Variants in RABGAP1L observed in about 807,000 individuals in gnomAD.
RABGAP1L encodes RAB GTPase activating protein 1 like.
In RABGAP1L, 63 loss-of-function variants were observed where a neutral mutation model predicts 137.7. The ratio of observed to expected loss-of-function variants is 0.46; its 90% CI spans 0.37 to 0.56. The LOEUF (loss-of-function observed/expected upper bound fraction) is 0.56. Among genes scored for constraint, RABGAP1L ranks in the 20% least tolerant of loss-of-function variants. The probability of loss-of-function intolerance (pLI) is 0.00; values close to 1 mark genes in which losing one functional copy is unlikely to be tolerated. For missense variants in RABGAP1L, 1,095 were observed against 1,244.0 expected (o/e 0.88, Z 1.80); for synonymous variants, 431 against 433.7 (o/e 0.99, Z 0.08).
chr1:174,667,288 AC>A (rs1384117438), intron 14 of RABGAP1L, among the ~76,000 whole-genome samples: 1 of 152,124 alleles, frequency 6.6e-6, no homozygotes, highest in East Asian at 1.9e-4. Flanking sequence ...GAACATAGGT[AC>A]CCCCATCTCC....
At chr1:174,681,778 A>G (rs368805613) in intron 14 of RABGAP1L, among the ~76,000 whole-genome samples, 1 of 152,206 alleles carries the variant, frequency 6.6e-6, no homozygotes, top group Non-Finnish European at 1.5e-5. Flanking sequence ...GGAATACTAC[A>G]CTTACTCTCC....
chr1:174,630,174 G>A (rs2148307592), intron 13 of RABGAP1L, among the ~76,000 whole-genome samples: 1 of 151,302 alleles, frequency 6.6e-6, no homozygotes, highest in Admixed American at 6.6e-5. Context: ...CTTTGGCTCT[G>A]TTTATATGCT....
chr1:174,398,463 T>A (rs1364953710), intron 13 of RABGAP1L, among the ~76,000 whole-genome samples: 1 of 152,084 alleles, frequency 6.6e-6, no homozygotes, highest in Non-Finnish European at 1.5e-5. Flanking sequence ...ATCATCTGAT[T>A]AACATAAACT....
intron 11 of RABGAP1L, among the ~76,000 whole-genome samples, chr1:174,362,536 G>T (rs1025091726): frequency 6.6e-5 from 10 of 152,164 alleles, no homozygotes; most frequent in Non-Finnish European, 1.5e-4. Flanking sequence ...GATCAGTGTT[G>T]TTGAGGTTTC....
chr1:174,278,575 A>G, intron 9 of RABGAP1L, 38 bp from the exon 10 acceptor site: 3 of 1,533,372 alleles, frequency 2.0e-6, no homozygotes, highest in East Asian at 2.3e-5. Context: ...ACAAGGAATA[A>G]TAAAGCTCGC....
intron 19 of RABGAP1L, among the ~76,000 whole-genome samples, chr1:174,928,281 C>T (rs983209070): frequency 1.3e-5 from 2 of 151,944 alleles, no homozygotes; most frequent in African/African-American, 4.8e-5. Flanking sequence ...TAGAGTAGAC[C>T]GTTGAATCTT....
chr1:174,988,191 T>C (rs1671768884), intron 24 of RABGAP1L, among the ~76,000 whole-genome samples: 2 of 152,218 alleles, frequency 1.3e-5, no homozygotes, highest in African/African-American at 4.8e-5. Context: ...AGGGTAGATT[T>C]AGGTTAGTCA....
rs373288515 is a variant in RABGAP1L at position 174,807,185 on chromosome 1, A to G, written c.2212-4647A>G. 1.9e-4 allele frequency among the ~76,000 whole-genome samples: 29 copies of G among 152,350 alleles called. No individual in the cohort carries two copies. In the East Asian group the frequency reaches 2.3e-3, roughly 12 times the overall value. ...ATGTAATGATGGGGTAAAGGACTAT[A>G]AATAATGTAATAAAATATTAATTAT... On this transcript the variant is annotated intron_variant, in intron 18 of 25. Transcript: ENST00000681986.
chr1:174,422,186 A>G (rs6425280), intron 13 of RABGAP1L, among the ~76,000 whole-genome samples: 88,501 of 151,994 alleles, frequency 0.58, 28,089 homozygotes, highest in African/African-American at 0.85. Context: ...TACTATTGCT[A>G]TCTTGATACG....
At chr1:174,456,508 T>C (rs1656057082) in intron 13 of RABGAP1L, among the ~76,000 whole-genome samples, 1 of 152,118 alleles carries the variant, frequency 6.6e-6, no homozygotes, top group Non-Finnish European at 1.5e-5. Flanking sequence ...TCAGTCATTA[T>C]GATGGACAAG....
chr1:174,677,147 C>A (rs981689576), intron 14 of RABGAP1L, among the ~76,000 whole-genome samples: 2 of 125,370 alleles, frequency 1.6e-5, no homozygotes, highest in Non-Finnish European at 3.2e-5. Context: ...CATAGTGAGA[C>A]CCCATCTCTA....
At chr1:174,282,669 C>A (rs1366547821) in intron 10 of RABGAP1L, among the ~76,000 whole-genome samples, 1 of 151,744 alleles carries the variant, frequency 6.6e-6, no homozygotes, top group Non-Finnish European at 1.5e-5. Flanking sequence ...TTTTTGTGTC[C>A]TATCTAAGGA....
chr1:174,387,205 T>C (rs908853412), intron 12 of RABGAP1L, among the ~76,000 whole-genome samples: 3 of 152,232 alleles, frequency 2.0e-5, no homozygotes, highest in Non-Finnish European at 4.4e-5. Flanking sequence ...TGACCACTTT[T>C]TTTCCTGTAA....
At chr1:174,862,773 A>G (rs1429703863) in intron 19 of RABGAP1L, among the ~76,000 whole-genome samples, 1 of 152,158 alleles carries the variant, frequency 6.6e-6, no homozygotes, top group Non-Finnish European at 1.5e-5. Context: ...AGACCTAGGT[A>G]TCTAGTAAAG....
At chr1:174,781,340 A>G (rs1177439049) in intron 18 of RABGAP1L, among the ~76,000 whole-genome samples, 1 of 152,160 alleles carries the variant, frequency 6.6e-6, no homozygotes, top group African/African-American at 2.4e-5. Context: ...GCATTTTTTC[A>G]TGTGTCTGTT....
intron 13 of RABGAP1L, among the ~76,000 whole-genome samples, chr1:174,567,281 T>A (rs557416066): frequency 6.6e-6 from 1 of 152,206 alleles, no homozygotes; most frequent in Non-Finnish European, 1.5e-5. Flanking sequence ...TTATTTTCCT[T>A]CTATATCTGC....
In RABGAP1L at chr1:174,391,906, A is replaced by C. The variant is rs142394317; in HGVS notation, c.1560-2089A>C. Among the ~76,000 whole-genome samples, 8 of 152,250 alleles carry C rather than the reference A, an allele frequency of 5.3e-5. No individual in the cohort carries two copies. The East Asian group carries it at 1.5e-3, about 29-fold the overall frequency. On this transcript the variant is annotated intron_variant, in intron 12 of 25. Transcript: ENST00000681986. The stretch of plus-strand genomic sequence containing the variant: ...CCAGTTTTCTATACTAATACCCTTA[A>C]CCCATATGTTTTTCCTATTCAACAG...
At chr1:174,321,308 C>G (rs1243138787) in intron 11 of RABGAP1L, among the ~76,000 whole-genome samples, 2 of 152,164 alleles carry the variant, frequency 1.3e-5, no homozygotes, top group African/African-American at 4.8e-5. Flanking sequence ...GTCCTGTGAT[C>G]TCGCTCTGCC....
Position 174,854,715 on chromosome 1 carries a change from C to CTTTTTTTTTTTTTTTTTTTTT in RABGAP1L, c.2340+42780_2340+42800dup, listed in dbSNP as rs71117584. ...AACTGCAATAGACTCAATATAAATG[C>CTTTTTTTTTTTTTTTTTTTTT]TTTTTTTTTTTTTTTTTTTTTTTTT... On this transcript the variant is annotated intron_variant, in intron 19 of 25. Transcript: ENST00000681986. 1.6e-4 allele frequency among the ~76,000 whole-genome samples: 9 copies of CTTTTTTTTTTTTTTTTTTTTT among 56,864 alleles called. 2 individuals carry two copies. Among genetic ancestry groups the CTTTTTTTTTTTTTTTTTTTTT allele is most frequent in the East Asian group, 3.0e-4 (1 of 3,340 alleles). 37.3% of individuals were successfully genotyped at this position (56,864 alleles called of 152,430 possible).
Sources: gnomAD v4.1 joint callset for allele counts (sites outside exome capture counted in the v4.1 genomes callset) on GRCh38, gnomAD v4.1.1 for gene constraint, MANE v1.5 for transcripts, NCBI Gene and HGNC (gene_info 2026-07-23, HGNC 2026-07-21) for gene names.